IL9: variants seen among roughly 807,000 people sequenced by gnomAD.
IL9 encodes the protein interleukin-9.
IL9 carries 16 observed loss-of-function variants against 12.9 expected under a neutral mutation model. That is an observed-to-expected ratio of 1.24 (90% confidence interval 0.84 to 1.88). The LOEUF (loss-of-function observed/expected upper bound fraction) is 1.88. IL9 is among the 40% of genes most tolerant of loss of function. The pLI is 0.00. For missense variants in IL9, 170 were observed against 173.1 expected (o/e 0.98, Z 0.10); for synonymous variants, 69 against 63.8 (o/e 1.08, Z -0.39).
intron 3 of IL9, 72 bp downstream of exon 3, chr5:135,895,368 A>T: frequency 8.0e-7 from 1 of 1,247,692 alleles, no homozygotes; most frequent in Admixed American, 2.2e-5. Context: ...TATTAAATAA[A>T]GCAACTTATT....
Position 135,895,562 on chromosome 5 carries a change from C to G in IL9, c.143G>C (p.Ser48Thr). Reference protein sequence around the residue: ...QEDPASKCHCSANVTSCLCLG... With the variant: ...QEDPASKCHCTANVTSCLCLG... Reference sequence around the variant, plus strand: ...TAAAGAGCATTCACTCACATTAGCACTGCAGTGGCACTTGGAAGCTGGATC... The same window carrying G: ...TAAAGAGCATTCACTCACATTAGCAGTGCAGTGGCACTTGGAAGCTGGATC... Residue 48 changes from serine (S) to threonine (T), a missense_variant, in exon 2 of 5, where the codon AGT (serine) becomes ACT (threonine). Coordinates refer to ENST00000274520, the MANE Select transcript of IL9 (RefSeq NM_000590.2). The G allele has an allele frequency of 2.5e-6, 4 of 1,614,070 alleles. No individual in the cohort carries two copies. The highest frequency in any genetic ancestry group is 3.4e-6 in the Non-Finnish European group (4 of 1,179,892).
rs1169028119 is a variant in IL9, at chr5:135,895,325, CAATT to C, written c.183+111_183+114del. ...TTTAACAGGGAATACTAATCTGTAA[CAATT>C]AAATTAAGCAACAATGTATAACATT... On this transcript the variant is annotated intron_variant, in intron 3 of 4. Coordinates refer to ENST00000274520, the MANE Select transcript of IL9 (RefSeq NM_000590.2). The C allele has an allele frequency of 5.4e-5, 45 of 830,556 alleles. No homozygotes were observed. The Admixed American group carries it at 6.5e-4, about 12-fold the overall frequency. The allele number at this position is 830,556 out of a possible 1,614,324, so 51.4% of individuals were successfully genotyped here. A position where few individuals can be genotyped will look rare whatever the true frequency, so the allele number is the denominator to read the frequency against.
In IL9 at chr5:135,893,225, T is replaced by G. The variant is rs555803821; in HGVS notation, c.316-715A>C. Among the ~76,000 whole-genome samples the G allele has an allele frequency of 1.7e-4, 26 of 152,284 alleles. No individual in the cohort carries two copies. The South Asian group carries it at 5.4e-3, about 32-fold the overall frequency. On this transcript the variant is annotated intron_variant, in intron 4 of 4. Transcript: ENST00000274520. ...GCCATCCCAGTCTGCTGTCAGGGAC[T>G]AGGGTATATGCTGAAGAAAAGAATG... is the stretch of plus-strand genomic sequence containing the variant.
At position 135,892,388 on chromosome 5, in the gene IL9, T is replaced by G; in HGVS notation, c.*3A>C. On this transcript the variant is annotated 3_prime_UTR_variant, in exon 5 of 5. Coordinates refer to ENST00000274520, the MANE Select transcript of IL9 (RefSeq NM_000590.2). ...AATAAATAGGATAAATAATATTTCA[T>G]CTTCATATCTTGCCTCTCATCCCTC... 6.3e-7 allele frequency: 1 copy of G among 1,580,110 alleles called. No homozygotes were observed. The highest frequency in any genetic ancestry group is 1.8e-5 in the Admixed American group (1 of 54,468).
Position 135,894,097 on chromosome 5 carries a change from T to C in IL9, c.238A>G (p.Thr80Ala). ...ATCAGTGGGTATCTTGTTTGCATGG[T>C]GGTATTGGTCATCTGAGACAGTCTC... ...SERLSQMTNT[T>A]MQTRYPLIFS... The change falls in exon 4 of 5, where the codon ACC becomes GCC. Residue 80 changes from threonine (T) to alanine (A), a missense_variant. Transcript: ENST00000274520. The C allele has an allele frequency of 3.7e-6, 6 of 1,613,436 alleles. No individual in the cohort carries two copies. Among genetic ancestry groups the C allele is most frequent in the Non-Finnish European group, 5.1e-6 (6 of 1,179,556 alleles).
rs1380323905 is a variant in IL9, at chr5:135,892,398, T to C, written c.428A>G (p.Lys143Arg). ...QKEKMRGMRGKI is the reference protein window; with the variant it reads ...QKEKMRGMRGRI ...ATAAATAATATTTCATCTTCATATC[T>C]TGCCTCTCATCCCTCTCATCTTTTC... is the stretch of plus-strand genomic sequence containing the variant. The change falls in exon 5 of 5, where the codon AAG (lysine) becomes AGG (arginine). Residue 143 changes from lysine (K) to arginine (R), a missense_variant. Coordinates refer to ENST00000274520, the MANE Select transcript of IL9 (RefSeq NM_000590.2). The C allele has an allele frequency of 2.5e-6, 4 of 1,596,006 alleles. No individual in the cohort carries two copies. The Admixed American group carries it at 5.2e-5, about 21-fold the overall frequency.
chr5:135,895,596 GTAGA>G lies in IL9; in HGVS notation c.115-10_115-7del. 1.2e-6 allele frequency: 2 copies of G among 1,614,030 alleles called. No homozygotes were observed. The highest frequency in any genetic ancestry group is 1.7e-6 in the Non-Finnish European group (2 of 1,179,852). On this transcript the variant is annotated splice_polypyrimidine_tract_variant and splice_region_variant and intron_variant, in intron 1 of 4. Transcript: ENST00000274520. Reference sequence around the variant, plus strand: ...CACTTGGAAGCTGGATCTTCCTAAAGTAGATAGAGAGATAAGAACCTTTAGTCAG... The same window carrying G: ...CACTTGGAAGCTGGATCTTCCTAAAGTAGAGAGATAAGAACCTTTAGTCAG...
At chr5:135,894,862 C>T (rs986432022) in intron 3 of IL9, among the ~76,000 whole-genome samples, 3 of 152,202 alleles carry the variant, frequency 2.0e-5, no homozygotes, top group Non-Finnish European at 2.9e-5. Context: ...TCCTTCCACT[C>T]ACAACCTCAG....
In IL9 at chr5:135,892,351, CTT is replaced by C; in HGVS notation, c.*38_*39del. 1 of 1,462,538 alleles carries C rather than the reference CTT, an allele frequency of 6.8e-7. No homozygotes were observed. The allele number at this position is 1,462,538 out of a possible 1,614,324, so 90.6% of individuals were successfully genotyped here. ...AAATTGTAGCAACTTAAAGAGAAAG[CTT>C]TTTAAATTTAATAAATAGGATAAAT... is the stretch of plus-strand genomic sequence containing the variant. On this transcript the variant is annotated 3_prime_UTR_variant, in exon 5 of 5. Coordinates refer to ENST00000274520, the MANE Select transcript of IL9 (RefSeq NM_000590.2).
In IL9 at chr5:135,892,498, C is replaced by T; in HGVS notation, c.328G>A (p.Glu110Lys). ...KNNKCPYFSC[E>K]QPCNQTTAGN... ...GCCGTGGTTTGGTTGCATGGCTGTT[C>T]ACAGGAAAAATACTGTGGGGATGAA... The change falls in exon 5 of 5, where the codon GAA becomes AAA. Residue 110 changes from glutamate (E) to lysine (K), a missense_variant. Coordinates refer to ENST00000274520, the MANE Select transcript of IL9 (RefSeq NM_000590.2). The T allele has an allele frequency of 6.2e-7, 1 of 1,611,954 alleles. No individual in the cohort carries two copies. The highest frequency in any genetic ancestry group is 8.5e-7 in the Non-Finnish European group (1 of 1,179,326).
intron 4 of IL9, 90 bp from the exon 5 acceptor site, chr5:135,892,600 G>A (rs1231832615): frequency 1.4e-5 from 20 of 1,430,464 alleles, no homozygotes; most frequent in South Asian, 1.4e-4. Flanking sequence ...AGCCAGAGTC[G>A]GTGGTGAGGA....
intron 4 of IL9, 136 bp from the exon 5 acceptor site, chr5:135,892,646 G>C: frequency 1.1e-6 from 1 of 909,414 alleles, no homozygotes; most frequent in Middle Eastern, 2.6e-4. Flanking sequence ...TTGAGACACA[G>C]AGCAAATAGG....
chr5:135,892,422 T>C lies in IL9; in HGVS notation c.404A>G (p.Glu135Gly), dbSNP rs1329306222. 1 of 1,611,176 alleles carries C rather than the reference T, an allele frequency of 6.2e-7. No individual in the cohort carries two copies. Among genetic ancestry groups the C allele is most frequent in the Non-Finnish European group, 8.5e-7 (1 of 1,177,828 alleles). ...CTTGCCTCTCATCCCTCTCATCTTT[T>C]CTTTCTGGAAAATTTCCAGAAGACT... ...LKSLLEIFQK[E>G]KMRGMRGKI Residue 135 changes from glutamate to glycine, a missense_variant, in exon 5 of 5, where the codon GAA becomes GGA. By Grantham distance (98) the Glu-to-Gly change is moderately conservative. Transcript: ENST00000274520.
intron 4 of IL9, among the ~76,000 whole-genome samples, chr5:135,892,733 TAC>T (rs59978451): frequency 0.16 from 22,535 of 137,486 alleles, 1,666 homozygotes; most frequent in Admixed American, 0.22. Flanking sequence ...CAGGGGTCTT[TAC>T]ACACACACAC....
rs1762909486 is a variant in IL9 at position 135,894,048 on chromosome 5, A to G, written c.287T>C (p.Val96Ala). 8 of 1,613,058 alleles carry G rather than the reference A, an allele frequency of 5.0e-6. No individual in the cohort carries two copies. The highest frequency in any genetic ancestry group is 1.1e-5 in the South Asian group (1 of 90,752). Reference sequence around the variant, plus strand: ...ACACTTGTTGTTCTTTAGTACTTCAACTGATTTTTTCACCCGACTGAAAAT... The same window carrying G: ...ACACTTGTTGTTCTTTAGTACTTCAGCTGATTTTTTCACCCGACTGAAAAT... ...PLIFSRVKKS[V>A]EVLKNNKCPY... Residue 96 changes from valine to alanine, a missense_variant, in exon 4 of 5, where the codon GTT becomes GCT. Coordinates refer to ENST00000274520, the MANE Select transcript of IL9 (RefSeq NM_000590.2).
At chr5:135,895,339 A>C (rs1762925983) in intron 3 of IL9, 101 bp downstream of exon 3, 1 of 924,958 alleles carries the variant, frequency 1.1e-6, no homozygotes, top group Non-Finnish European at 1.6e-6. Flanking sequence ...TAAATTAAGC[A>C]ACAATGTATA....
chr5:135,893,383 G>A (rs1294164423), intron 4 of IL9, among the ~76,000 whole-genome samples: 2 of 151,914 alleles, frequency 1.3e-5, no homozygotes, highest in African/African-American at 4.8e-5. Context: ...AGGTCAAGGC[G>A]GGCAAATCAC....
At chr5:135,892,775 CACA>C (rs1561570706) in intron 4 of IL9, among the ~76,000 whole-genome samples, 4,065 of 150,660 alleles carry the variant, frequency 0.027, 177 homozygotes, top group African/African-American at 0.094. Context: ...CACACACACA[CACA>C]CCCCTATTAA....
chr5:135,894,590 T>A (rs950805710), intron 3 of IL9, among the ~76,000 whole-genome samples: 1 of 152,236 alleles, frequency 6.6e-6, no homozygotes, highest in African/African-American at 2.4e-5. Flanking sequence ...GGGGCTGTGC[T>A]GTCTGCCTGG....
Sources: gnomAD v4.1 joint callset for allele counts (sites outside exome capture counted in the v4.1 genomes callset) on GRCh38, gnomAD v4.1.1 for gene constraint, MANE v1.5 for transcripts, NCBI Gene and HGNC (gene_info 2026-07-23, HGNC 2026-07-21) for gene names.